Variants in ATAD3B observed in about 807,000 individuals in gnomAD.
The protein encoded by ATAD3B is ATPase family AAA domain-containing protein 3B.
A neutral mutation model predicts 70.2 loss-of-function variants in ATAD3B; 59 were observed. The ratio of observed to expected loss-of-function variants is 0.84; its 90% CI spans 0.68 to 1.04. ATAD3B has a LOEUF of 1.04. Among genes scored for constraint, ATAD3B ranks in the 50% least tolerant of loss-of-function variants. The probability of loss-of-function intolerance (pLI) is 0.00; values close to 1 mark genes in which losing one functional copy is unlikely to be tolerated. For synonymous variants in ATAD3B, 423 were observed against 388.6 expected, an observed-to-expected ratio of 1.09 and a Z score of -1.04; for missense variants, 961 against 913.4, an observed-to-expected ratio of 1.05 and a Z score of -0.67.
the ATAD3B span, among the ~76,000 whole-genome samples, chr1:1,504,784 G>A: frequency 6.6e-6 from 1 of 152,198 alleles, no homozygotes; most frequent in Non-Finnish European, 1.5e-5. Flanking sequence ...CCTCCCTGTG[G>A]AGTGTTCTTT....
chr1:1,487,383 G>C (rs1640277549), intron 11 of ATAD3B, among the ~76,000 whole-genome samples: 2 of 151,670 alleles, frequency 1.3e-5, no homozygotes, highest in Admixed American at 6.6e-5. Flanking sequence ...AGCTACTCAG[G>C]AGGCTGAGGC....
chr1:1,495,522 A>T lies in ATAD3B; in HGVS notation c.1652A>T (p.Glu551Val), dbSNP rs1289035159. ...AYASKDGVLTEAMMDACVQDA... is the reference protein window; with the variant it reads ...AYASKDGVLTVAMMDACVQDA... ...GCCTCCAAGGACGGGGTCCTCACTG[A>T]GGCCATGATGGACGCCTGTGTGCAA... Residue 551 changes from glutamate to valine, a missense_variant, in exon 16 of 16, where the codon GAG (glutamate) becomes GTG (valine). Physicochemically the swap from Glu to Val is moderately radical, Grantham distance 121. This residue lies in a region of ATAD3B where 417 missense variants were observed against 335.0 expected (regional missense o/e 1.24). Coordinates refer to ENST00000673477, the MANE Select transcript of ATAD3B (RefSeq NM_031921.6). The T allele has an allele frequency of 1.2e-6, 2 of 1,611,348 alleles. No homozygotes were observed. Among genetic ancestry groups the T allele is most frequent in the South Asian group, 2.2e-5 (2 of 90,916 alleles).
Position 1,482,203 on chromosome 1 carries a change from C to G in ATAD3B, c.580C>G (p.Arg194Gly). The G allele has an allele frequency of 6.2e-7, 1 of 1,610,986 alleles. No individual in the cohort carries two copies. Among genetic ancestry groups the G allele is most frequent in the Non-Finnish European group, 8.5e-7 (1 of 1,179,230 alleles). ...GATGCTGCGAGTGGAGACCGAGGCC[C>G]GGGCGCGCGCCAAGGCCGAGCGGGA... is the stretch of plus-strand genomic sequence containing the variant. Reference protein sequence around the residue: ...NEMLRVETEARARAKAERENA... With the variant: ...NEMLRVETEAGARAKAERENA... Residue 194 changes from arginine to glycine, a missense_variant, in exon 6 of 16, where the codon CGG becomes GGG. Physicochemically the swap from Arg to Gly is moderately radical, Grantham distance 125. Transcript: ENST00000673477.
chr1:1,479,502 G>A (rs1639785781), intron 4 of ATAD3B, among the ~76,000 whole-genome samples: 2 of 137,144 alleles, frequency 1.5e-5, no homozygotes, highest in African/African-American at 5.6e-5. Flanking sequence ...CTACACAGGG[G>A]CATGGACAGA....
intron 7 of ATAD3B, chr1:1,484,487 A>C (rs1395956285): frequency 6.5e-6 from 1 of 153,542 alleles, no homozygotes; most frequent in Admixed American, 6.4e-5. Context: ...AGCCACAGCC[A>C]GCTAATTTTT....
chr1:1,484,647 T>G (rs144843738), intron 7 of ATAD3B: 4,120 of 234,708 alleles, frequency 0.018, 95 homozygotes, highest in African/African-American at 0.038. Flanking sequence ...TTAGAGATTT[T>G]GGGTTAGTCT....
chr1:1,490,366 C>T lies in ATAD3B; in HGVS notation c.1447C>T (p.Arg483Cys), dbSNP rs367740674. The change falls in exon 14 of 16, where the codon CGC becomes TGC. Residue 483 changes from arginine (R) to cysteine (C), a missense_variant. Transcript: ENST00000673477. ...CCTGCCGCAGCAGGAGGAGCGGGAG[C>T]GCCTGGTGAGACTGCATTTTGACAA... ...FDLPQQEERE[R>C]LVRLHFDNCV... is the part of the protein sequence containing the mutation. The T allele has an allele frequency of 1.6e-5, 26 of 1,613,330 alleles. No individual in the cohort carries two copies. In the Admixed American group the frequency reaches 1.8e-4, roughly 11 times the overall value.
intron 2 of ATAD3B, 85 bp downstream of exon 2, chr1:1,477,435 G>C: frequency 6.3e-7 from 1 of 1,593,270 alleles, no homozygotes; most frequent in Non-Finnish European, 8.6e-7. Flanking sequence ...CTGGTGGGTA[G>C]GGCCAGGGGC....
At chr1:1,498,150 GAA>G (rs1640847823), downstream of ATAD3B, among the ~76,000 whole-genome samples, 1 of 147,600 alleles carries the variant, frequency 6.8e-6, no homozygotes, top group Non-Finnish European at 1.5e-5. Flanking sequence ...TTAAAAATAC[GAA>G]AGTTAGCCGG....
chr1:1,509,079 CTG>C, the ATAD3B span: 2 of 1,439,058 alleles, frequency 1.4e-6, no homozygotes, highest in African/African-American at 1.5e-5. Context: ...TGCGGGAAGC[CTG>C]TGTTTCACGC....
downstream of ATAD3B, among the ~76,000 whole-genome samples, chr1:1,502,637 A>C (rs1026063989): frequency 6.8e-6 from 1 of 146,626 alleles, no homozygotes; most frequent in Non-Finnish European, 1.5e-5. Context: ...TCAGCCTCCC[A>C]AGTAGCTGGG....
At chr1:1,480,330 G>A (rs1639844478) in intron 4 of ATAD3B, among the ~76,000 whole-genome samples, 1 of 145,988 alleles carries the variant, frequency 6.8e-6, no homozygotes, top group Non-Finnish European at 1.5e-5. Context: ...GGCACGACAA[G>A]CCTCCTTGTC....
At chr1:1,475,276 C>A (rs1192805237) in intron 1 of ATAD3B, among the ~76,000 whole-genome samples, 2 of 151,162 alleles carry the variant, frequency 1.3e-5, no homozygotes, top group Admixed American at 6.6e-5. Flanking sequence ...TGGGCTCTTT[C>A]ATTTTGATCC....
rs1639729099 is a variant in ATAD3B at position 1,478,683 on chromosome 1, A to G, written c.322A>G (p.Ile108Val). ...AAVEQLKSEQ[I>V]RAQAEERRKT... ...CGTGGAGCAGCTCAAGAGCGAGCAG[A>G]TCCGGGCGCAGGCTGAGGAGAGGAG... is the stretch of plus-strand genomic sequence containing the variant. The change falls in exon 3 of 16, where the codon ATC (isoleucine) becomes GTC (valine). Residue 108 changes from isoleucine to valine, a missense_variant. Ile to Val is a conservative substitution (Grantham distance 29, BLOSUM62 3). Transcript: ENST00000673477. 1 of 1,543,072 alleles carries G rather than the reference A, an allele frequency of 6.5e-7. No individual in the cohort carries two copies. The highest frequency in any genetic ancestry group is 8.7e-7 in the Non-Finnish European group (1 of 1,143,896).
rs144490908 is a variant in ATAD3B at position 1,490,316 on chromosome 1, G to C, written c.1397G>C (p.Arg466Pro). ...PEQFDCAINS[R>P]IDVMVHFDLP... is the part of the protein sequence containing the mutation. ...CAGTTCGACTGTGCCATCAACAGCCGCATTGACGTGATGGTCCACTTCGAC... is the reference window on the plus strand; with the variant it reads ...CAGTTCGACTGTGCCATCAACAGCCCCATTGACGTGATGGTCCACTTCGAC... Residue 466 changes from arginine to proline, a missense_variant, in exon 14 of 16, where the codon CGC becomes CCC. Arg to Pro is a moderately radical substitution (Grantham distance 103, BLOSUM62 -2). Around this residue, in one of 4 missense-constraint regions of ATAD3B, gnomAD observed 417 missense variants for 335.0 expected, o/e 1.24. Coordinates refer to ENST00000673477, the MANE Select transcript of ATAD3B (RefSeq NM_031921.6). 7 of 1,613,248 alleles carry C rather than the reference G, an allele frequency of 4.3e-6. No homozygotes were observed. Among genetic ancestry groups the C allele is most frequent in the Non-Finnish European group, 4.2e-6 (5 of 1,179,690 alleles).
rs561931747 is a variant in ATAD3B at position 1,489,227 on chromosome 1, A to G, written c.1290A>G (p.Arg430=). 11 of 1,613,608 alleles carry G rather than the reference A, an allele frequency of 6.8e-6. No individual in the cohort carries two copies. Among genetic ancestry groups the G allele is most frequent in the African/African-American group, 5.3e-5 (4 of 75,050 alleles). The change falls in exon 13 of 16, where the codon AGA becomes AGG. Residue 430 remains arginine, a synonymous_variant. Coordinates refer to ENST00000673477, the MANE Select transcript of ATAD3B (RefSeq NM_031921.6). The stretch of plus-strand genomic sequence containing the variant: ...AGGAGGAGATAAGCAAGGACCTCAG[A>G]GCCACACTGAACGCCTTCCTGTACC... ...RATEEISKDL[R]ATLNAFLYHM...
rs561686825 is a variant in ATAD3B, at chr1:1,486,425, C to A, written c.1090-119C>A. The A allele has an allele frequency of 2.5e-6, 4 of 1,603,120 alleles. No individual in the cohort carries two copies. In the East Asian group the frequency reaches 6.7e-5, roughly 27 times the overall value. On this transcript the variant is annotated intron_variant, in intron 10 of 15. Transcript: ENST00000673477. ...CAGGCGGGGGACGTCTCCTGTCTGG[C>A]AGGCTGTGGCTTCCAGACAGGGACA...
chr1:1,503,564 C>G, the ATAD3B span: 1 of 1,604,052 alleles, frequency 6.2e-7, no homozygotes, highest in Non-Finnish European at 8.5e-7. Context: ...CACCCGCCCT[C>G]TGTGCCCCTG....
In ATAD3B at chr1:1,496,028, A is replaced by AC. The variant is rs547026516; in HGVS notation, c.*211_*212insC. 7.5e-7 allele frequency: 1 copy of AC among 1,328,682 alleles called. No individual in the cohort carries two copies. Among genetic ancestry groups the AC allele is most frequent in the African/African-American group, 1.5e-5 (1 of 67,878 alleles). The allele number at this position is 1,328,682 out of a possible 1,614,324, so 82.3% of individuals were successfully genotyped here. Reference sequence around the variant, plus strand: ...TCGGCTCCCACAGCAGAGCCAGGTGAGGGGGGGCCTGCCAGGACTAGACAG... The same window carrying AC: ...TCGGCTCCCACAGCAGAGCCAGGTGACGGGGGGGCCTGCCAGGACTAGACAG... On this transcript the variant is annotated 3_prime_UTR_variant, in exon 16 of 16. Transcript: ENST00000673477.
Sources: gnomAD v4.1 joint callset for allele counts (sites outside exome capture counted in the v4.1 genomes callset) on GRCh38, gnomAD v4.1.1 for gene constraint, gnomAD v4.1.1 regional missense constraint, MANE v1.5 for transcripts, NCBI Gene and HGNC (gene_info 2026-07-23, HGNC 2026-07-21) for gene names.